Variants in NUP50 observed in about 807,000 individuals in gnomAD.
The protein encoded by NUP50 is nucleoporin 50, also known as nuclear pore complex protein Nup50.
NUP50 carries 14 observed loss-of-function variants against 36.8 expected under a neutral mutation model. That is an observed-to-expected ratio of 0.38 (90% CI 0.25 to 0.59). The LOEUF is 0.59. Ranked by LOEUF, NUP50 falls within the 20% of genes least tolerant of loss-of-function variation. The pLI is 0.63. For synonymous variants in NUP50, 195 were observed against 210.8 expected (o/e 0.93, Z 0.65); for missense variants, 455 against 564.6 (o/e 0.81, Z 1.97).
At position 45,183,461 on chromosome 22, in the gene NUP50, AT is replaced by A; in HGVS notation, c.1148del (p.Leu383Ter). On this transcript the variant is annotated frameshift_variant, in exon 7 of 8. Coordinates refer to ENST00000347635, the MANE Select transcript of NUP50 (RefSeq NM_007172.4). LOFTEE classifies it high-confidence loss of function. ...AAAGAGAAAGGCATAGGTACTCTGC[AT>A]TTAAAACCTACAGCAAATCAGAAGA... The part of the protein sequence containing the change: ...EFKEKGIGTL[H>X]LKPTANQKTQ... The A allele has an allele frequency of 1.2e-6, 2 of 1,612,310 alleles. No individual in the cohort carries two copies. Among genetic ancestry groups the A allele is most frequent in the Non-Finnish European group, 1.7e-6 (2 of 1,179,214 alleles).
chr22:45,183,566 T>C (rs376810757), intron 7 of NUP50, 46 bp downstream of exon 7: 26 of 1,203,832 alleles, frequency 2.2e-5, no homozygotes, highest in African/African-American at 7.5e-5. Context: ...TCACATAGTA[T>C]ATAAAAGCGT....
chr22:45,172,732 C>T (rs542844772), intron 3 of NUP50, among the ~76,000 whole-genome samples: 80 of 151,912 alleles, frequency 5.3e-4, no homozygotes, highest in Non-Finnish European at 9.3e-4. Flanking sequence ...AGTTTGAAAA[C>T]GTAAGGAAGG....
Position 45,181,359 on chromosome 22 carries a change from C to T in NUP50, c.1077C>T (p.Tyr359=). 6.3e-7 allele frequency: 1 copy of T among 1,583,552 alleles called. No homozygotes were observed. Among genetic ancestry groups the T allele is most frequent in the Non-Finnish European group, 8.5e-7 (1 of 1,170,308 alleles). The change falls in exon 6 of 8, where the codon TAC becomes TAT. Residue 359 remains tyrosine, a synonymous_variant. Transcript: ENST00000347635. ...VTEVKEEDAF[Y]SKKCKLFYKK... is the part of the protein sequence containing the mutation. Reference sequence around the variant, plus strand: ...AAGTAAAAGAAGAAGATGCTTTTTACTCCAAAAAGTAAGAATCCCCACAAC... The same window carrying T: ...AAGTAAAAGAAGAAGATGCTTTTTATTCCAAAAAGTAAGAATCCCCACAAC...
At chr22:45,165,111 C>T (rs1038160210) in intron 1 of NUP50, among the ~76,000 whole-genome samples, 4 of 152,228 alleles carry the variant, frequency 2.6e-5, no homozygotes, top group African/African-American at 9.7e-5. Flanking sequence ...GACCACATAA[C>T]TATATCAGGC....
rs1409377381 is a variant in NUP50 at position 45,181,301 on chromosome 22, A to G, written c.1019A>G (p.Glu340Gly). 2 of 1,594,230 alleles carry G rather than the reference A, an allele frequency of 1.3e-6. No homozygotes were observed. Among genetic ancestry groups the G allele is most frequent in the East Asian group, 2.3e-5 (1 of 43,752 alleles). ...TTTATAAAAGGTGGAGATGAAGAAG[A>G]GAATGATGAGCCACCCAAAGTAGTA... Reference protein sequence around the residue: ...SGECKGGDEEENDEPPKVVVT... With the variant: ...SGECKGGDEEGNDEPPKVVVT... The change falls in exon 6 of 8, where the codon GAG becomes GGG. Residue 340 changes from glutamate to glycine, a missense_variant. Around this residue, in one of 3 missense-constraint regions of NUP50, gnomAD observed 287 missense variants for 345.5 expected, o/e 0.83. Coordinates refer to ENST00000347635, the MANE Select transcript of NUP50 (RefSeq NM_007172.4).
At chr22:45,182,625 T>TG (rs1164015463) in intron 6 of NUP50, among the ~76,000 whole-genome samples, 2 of 87,662 alleles carry the variant, frequency 2.3e-5, no homozygotes, top group Admixed American at 2.1e-4. Context: ...TGAGGTTTGT[T>TG]TTTTTTTTTT....
At chr22:45,181,451 T>TG in intron 6 of NUP50, 84 bp downstream of exon 6, 1 of 763,042 alleles carries the variant, frequency 1.3e-6, no homozygotes, top group Non-Finnish European at 2.0e-6. Context: ...TCACGGCACT[T>TG]GACTGAGCTT....
chr22:45,179,029 C>T (rs2074324465), intron 5 of NUP50, 129 bp downstream of exon 5: 1 of 837,194 alleles, frequency 1.2e-6, no homozygotes, highest in Admixed American at 3.1e-5. Flanking sequence ...TGTGTGATCT[C>T]AGACAGAGCT....
At position 45,179,134 on chromosome 22, in the gene NUP50, A is replaced by T. The variant is rs138506632; in HGVS notation, c.1003+234A>T. 462 of 420,552 alleles carry T rather than the reference A, an allele frequency of 1.1e-3. 3 individuals carry two copies. The highest frequency in any genetic ancestry group is 4.9e-3 in the Middle Eastern group (11 of 2,246). The allele number at this position is 420,552 out of a possible 1,614,324, so 26.1% of individuals were successfully genotyped here. On this transcript the variant is annotated intron_variant, in intron 5 of 7. Coordinates refer to ENST00000347635, the MANE Select transcript of NUP50 (RefSeq NM_007172.4). Reference sequence around the variant, plus strand: ...GATTAAAAATAAAATGAATTTGAAAACACCTGACTTTGAAAAGTCTCAAAC... The same window carrying T: ...GATTAAAAATAAAATGAATTTGAAATCACCTGACTTTGAAAAGTCTCAAAC...
At chr22:45,183,352 ACTTGATTCGTCCTTGAATG>A (rs1164544738) in intron 6 of NUP50, 31 bp from the exon 7 acceptor site, 1 of 1,070,276 alleles carries the variant, frequency 9.3e-7, no homozygotes, top group East Asian at 2.4e-5. Context: ...AAACTGTGTG[ACTTGATTCGTCCTTGAATG>A]CTTGATGGTC....
Position 45,166,966 on chromosome 22 carries a change from A to G in NUP50, c.-10-1202A>G, listed in dbSNP as rs5765202. 2.0e-4 allele frequency among the ~76,000 whole-genome samples: 30 copies of G among 152,320 alleles called. 1 individual carries two copies. The East Asian group carries it at 5.2e-3, about 26-fold the overall frequency. On this transcript the variant is annotated intron_variant, in intron 1 of 7. Coordinates refer to ENST00000347635, the MANE Select transcript of NUP50 (RefSeq NM_007172.4). ...ATTAAAAGCTGACAGCCCGTATGTA[A>G]TTACTCCACTGGCCATCAAATTGTA...
rs1435288361 is a variant in NUP50, at chr22:45,185,007, A to ACCG, written c.*355_*357dup. 3.3e-6 allele frequency: 1 copy of ACCG among 305,236 alleles called. No individual in the cohort carries two copies. The highest frequency in any genetic ancestry group is 5.0e-5 in the Admixed American group (1 of 19,898). 18.9% of individuals were successfully genotyped at this position (305,236 alleles called of 1,614,324 possible). A position where few individuals can be genotyped will look rare whatever the true frequency, so the allele number is the denominator to read the frequency against. On this transcript the variant is annotated 3_prime_UTR_variant, in exon 8 of 8. Coordinates refer to ENST00000347635, the MANE Select transcript of NUP50 (RefSeq NM_007172.4). The stretch of plus-strand genomic sequence containing the variant: ...TTCCAACCCGTGGGTTTTGGGGTCC[A>ACCG]CCGCCACCACGAGAGAGGCTTTTGA...
At chr22:45,171,930 A>G (rs2074201319) in intron 3 of NUP50, 1 of 440,112 alleles carries the variant, frequency 2.3e-6, no homozygotes, top group South Asian at 2.7e-5. Flanking sequence ...GAGAAGAAAA[A>G]TGAGCAAAGC....
intron 4 of NUP50, among the ~76,000 whole-genome samples, chr22:45,176,944 G>A (rs1442463303): frequency 6.6e-6 from 1 of 152,110 alleles, no homozygotes; most frequent in East Asian, 1.9e-4. Flanking sequence ...GTTTCACCAT[G>A]TTGGCCAGGA....
rs2083466340 is a variant in NUP50, at chr22:45,187,857, T to G, written c.*3202T>G. The stretch of plus-strand genomic sequence containing the variant: ...ACTTCTTAGCAATCAGATGGATAAA[T>G]TGTTTGCTTTTTACTTTAAATAGGA... On this transcript the variant is annotated 3_prime_UTR_variant, in exon 8 of 8. Transcript: ENST00000347635. 1 of 152,684 alleles carries G rather than the reference T, an allele frequency of 6.5e-6. No homozygotes were observed. The highest frequency in any genetic ancestry group is 2.1e-4 in the South Asian group (1 of 4,836). 9.5% of individuals were successfully genotyped at this position (152,684 alleles called of 1,614,324 possible).
chr22:45,183,586 T>C, intron 7 of NUP50, 66 bp downstream of exon 7: 4 of 977,636 alleles, frequency 4.1e-6, no homozygotes, highest in Non-Finnish European at 6.6e-6. Flanking sequence ...TTTACCCTGC[T>C]GACTCAAGGT....
At chr22:45,165,585 C>T (rs962642449) in intron 1 of NUP50, among the ~76,000 whole-genome samples, 1 of 152,122 alleles carries the variant, frequency 6.6e-6, no homozygotes, top group Non-Finnish European at 1.5e-5. Flanking sequence ...TTTTCTCCCC[C>T]CCACTTCTAG....
chr22:45,179,424 T>G (rs2074331283), intron 5 of NUP50: 1 of 153,882 alleles, frequency 6.5e-6, no homozygotes, highest in African/African-American at 2.4e-5. Context: ...GGCAGTGGTG[T>G]CTAAGTGATG....
chr22:45,175,622 C>G (rs2074264252), intron 3 of NUP50, among the ~76,000 whole-genome samples: 1 of 152,162 alleles, frequency 6.6e-6, no homozygotes, highest in Non-Finnish European at 1.5e-5. Flanking sequence ...ATTAGTCTTT[C>G]TTACCTTTTA....
Sources: gnomAD v4.1 joint callset for allele counts (sites outside exome capture counted in the v4.1 genomes callset) on GRCh38, gnomAD v4.1.1 for gene constraint, gnomAD v4.1.1 regional missense constraint, MANE v1.5 for transcripts, NCBI Gene and HGNC (gene_info 2026-07-23, HGNC 2026-07-21) for gene names.